TPO: variants seen among roughly 807,000 people sequenced by gnomAD.
TPO encodes thyroid microsomal antigen.
In TPO, 78 loss-of-function variants were observed where a neutral mutation model predicts 96.9. The ratio of observed to expected loss-of-function variants is 0.81; its 90% CI spans 0.67 to 0.97. The LOEUF (loss-of-function observed/expected upper bound fraction) is 0.97. Ranked by LOEUF, TPO falls within the 50% of genes least tolerant of loss-of-function variation. The pLI is 0.00. For missense variants in TPO, 1,252 were observed against 1,274.8 expected, an observed-to-expected ratio of 0.98 and a Z score of 0.27; for synonymous variants, 547 against 538.0, an observed-to-expected ratio of 1.02 and a Z score of -0.23.
intron 1 of TPO, among the ~76,000 whole-genome samples, chr2:1,405,568 A>G (rs1662238776): frequency 6.6e-6 from 1 of 151,590 alleles, no homozygotes; most frequent in African/African-American, 2.4e-5. Flanking sequence ...ACTCTCCCAG[A>G]TTTCTTTCCA....
At chr2:1,480,225 T>C (rs1670410623) in intron 8 of TPO, among the ~76,000 whole-genome samples, 1 of 152,260 alleles carries the variant, frequency 6.6e-6, no homozygotes, top group South Asian at 2.1e-4. Flanking sequence ...TTCTTGGTTT[T>C]ACATTTCACT....
In TPO at chr2:1,535,245, CCA is replaced by C. The variant is rs1205472901; in HGVS notation, c.2619-5347_2619-5346del. Among the ~76,000 whole-genome samples, 9 of 124,020 alleles carry C rather than the reference CCA, an allele frequency of 7.3e-5. 1 individual carries two copies. The highest frequency in any genetic ancestry group is 2.7e-4 in the African/African-American group (9 of 33,164). The allele number at this position is 124,020 out of a possible 152,430, so 81.4% of individuals were successfully genotyped here. ...TCTGTGCAACCTCCCCAAATCCACC[CCA>C]CTCTGTGCAACCTCCCAAAATCCCC... On this transcript the variant is annotated intron_variant, in intron 15 of 16. Coordinates refer to ENST00000329066, the MANE Select transcript of TPO (RefSeq NM_001206744.2).
At chr2:1,527,849 A>AATCCCCGTACTGTGTGCAACCTCCTCAT (rs372367234) in intron 15 of TPO, among the ~76,000 whole-genome samples, 1 of 126,422 alleles carries the variant, frequency 7.9e-6, no homozygotes, top group Non-Finnish European at 1.6e-5. Context: ...AACCTCCTCA[A>AATCCCCGTACTGTGTGCAACCTCCTCAT]ATCCCCCCCA....
At position 1,528,029 on chromosome 2, in the gene TPO, ATGTGCAACCTCCTCAAATCTCCCCACTG is replaced by A. The variant is rs1558415051; in HGVS notation, c.2618+11057_2618+11084del. The stretch of plus-strand genomic sequence containing the variant: ...AGGAACCTCCTCAAATCCTCCCACT[ATGTGCAACCTCCTCAAATCTCCCCACTG>A]TGTGCAACCCCCCCAGATCTCCCCC... On this transcript the variant is annotated intron_variant, in intron 15 of 16. Transcript: ENST00000329066. 2.7e-5 allele frequency among the ~76,000 whole-genome samples: 3 copies of A among 109,176 alleles called. No homozygotes were observed. In the Admixed American group the frequency reaches 3.0e-4, roughly 11 times the overall value. 71.6% of individuals were successfully genotyped at this position (109,176 alleles called of 152,430 possible).
intron 7 of TPO, among the ~76,000 whole-genome samples, chr2:1,466,138 A>G (rs1043226049): frequency 1.3e-5 from 2 of 152,186 alleles, no homozygotes; most frequent in African/African-American, 2.4e-5. Flanking sequence ...TTATGCATCT[A>G]TCGAGACGAT....
At chr2:1,402,796 A>G (rs1662192699) in intron 1 of TPO, among the ~76,000 whole-genome samples, 1 of 152,194 alleles carries the variant, frequency 6.6e-6, no homozygotes, top group Non-Finnish European at 1.5e-5. Context: ...CCTGGGAATT[A>G]TGGGAGCTAC....
intron 5 of TPO, among the ~76,000 whole-genome samples, chr2:1,442,508 A>G (rs1229965401): frequency 4.6e-5 from 7 of 152,236 alleles, no homozygotes; most frequent in Non-Finnish European, 8.8e-5. Context: ...TATTCATTAT[A>G]TGATAAATAT....
chr2:1,412,470 T>G (rs1218749643), upstream of TPO, among the ~76,000 whole-genome samples: 1 of 152,200 alleles, frequency 6.6e-6, no homozygotes, highest in Non-Finnish European at 1.5e-5. Flanking sequence ...TCAGAGCTTG[T>G]CTAACTCATT....
At chr2:1,517,009 C>G in intron 15 of TPO, 27 bp downstream of exon 15, 1 of 1,608,260 alleles carries the variant, frequency 6.2e-7, no homozygotes, top group South Asian at 1.1e-5. Context: ...TTGACTGTTA[C>G]TTAGACACAA....
At chr2:1,451,970 C>G (rs1667341620) in intron 5 of TPO, among the ~76,000 whole-genome samples, 1 of 152,010 alleles carries the variant, frequency 6.6e-6, no homozygotes, top group Non-Finnish European at 1.5e-5. Flanking sequence ...TTTACCTATC[C>G]TCTACAGATA....
chr2:1,435,003 G>A (rs1244207202), intron 4 of TPO, among the ~76,000 whole-genome samples: 3 of 151,916 alleles, frequency 2.0e-5, no homozygotes, highest in African/African-American at 4.8e-5. Context: ...GGGCGATCTC[G>A]GCTCACTGCA....
At chr2:1,477,647 A>C in intron 8 of TPO, 43 bp downstream of exon 8, 2 of 1,444,306 alleles carry the variant, frequency 1.4e-6, no homozygotes, top group Non-Finnish European at 9.0e-7. Flanking sequence ...CTGCGGGCAA[A>C]GCGGGGGGCG....
intron 15 of TPO, among the ~76,000 whole-genome samples, chr2:1,536,801 G>T (rs1267505256): frequency 9.5e-6 from 1 of 105,790 alleles, no homozygotes; most frequent in Non-Finnish European, 1.9e-5. Context: ...CGCAATCTGT[G>T]CAACCTCCCC....
intron 2 of TPO, among the ~76,000 whole-genome samples, chr2:1,422,395 G>GACA (rs1163151839): frequency 9.9e-5 from 15 of 151,480 alleles, no homozygotes; most frequent in Non-Finnish European, 1.3e-4. Flanking sequence ...CGCCGCGCTG[G>GACA]GCCATGGGGA....
At chr2:1,505,477 TC>T (rs1428311242) in intron 14 of TPO, among the ~76,000 whole-genome samples, 4 of 32,146 alleles carry the variant, frequency 1.2e-4, no homozygotes, top group Admixed American at 4.4e-4. Context: ...GTCAGGCGCA[TC>T]CCCCCCACCC....
chr2:1,513,267 T>C (rs1486803907), intron 14 of TPO, among the ~76,000 whole-genome samples: 3 of 152,080 alleles, frequency 2.0e-5, no homozygotes, highest in African/African-American at 7.2e-5. Context: ...CTCGGCTGAG[T>C]GGACATGCGC....
At chr2:1,525,936 CTCA>C (rs1676363541) in intron 15 of TPO, among the ~76,000 whole-genome samples, 1 of 142,280 alleles carries the variant, frequency 7.0e-6, no homozygotes, top group South Asian at 2.4e-4. Context: ...GCGCAACCTC[CTCA>C]TATCCCCCGA....
intron 14 of TPO, among the ~76,000 whole-genome samples, chr2:1,505,881 C>A (rs1486156689): frequency 6.8e-6 from 1 of 147,424 alleles, no homozygotes; most frequent in East Asian, 2.0e-4. Context: ...TATTATTATA[C>A]TTTAAGTTTT....
intron 3 of TPO, among the ~76,000 whole-genome samples, chr2:1,430,355 G>A (rs949110206): frequency 2.0e-5 from 3 of 152,212 alleles, no homozygotes; most frequent in African/African-American, 7.2e-5. Flanking sequence ...AGTTAAGGAG[G>A]CTTAGTAGCT....
Sources: gnomAD v4.1 joint callset for allele counts (sites outside exome capture counted in the v4.1 genomes callset) on GRCh38, gnomAD v4.1.1 for gene constraint, MANE v1.5 for transcripts, NCBI Gene and HGNC (gene_info 2026-07-23, HGNC 2026-07-21) for gene names.